The following CTSC variants were observed in gnomAD, a reference collection of about 807,000 sequenced individuals.
The protein encoded by CTSC is dipeptidyl peptidase 1.
CTSC carries 37 observed loss-of-function variants against 40.9 expected under a neutral mutation model. That is an observed-to-expected ratio of 0.91 (90% CI 0.70 to 1.19). The LOEUF (loss-of-function observed/expected upper bound fraction) is 1.19. CTSC is among the 50% of genes most tolerant of loss of function. The probability of loss-of-function intolerance (pLI) is 0.00; values close to 1 mark genes in which losing one functional copy is unlikely to be tolerated. For missense variants in CTSC, 594 were observed against 567.3 expected (o/e 1.05, Z -0.48); for synonymous variants, 232 against 207.4 (o/e 1.12, Z -1.02).
At position 88,293,928 on chromosome 11, in the gene CTSC, G is replaced by A; in HGVS notation, c.*78C>T. On this transcript the variant is annotated 3_prime_UTR_variant, in exon 7 of 7. Coordinates refer to ENST00000227266, the MANE Select transcript of CTSC (RefSeq NM_001814.6). ...TTTGTAAGCTTCTGAGATTGCTGCT[G>A]AAAGTCTACAGTCTGTGAATATACC... 1 of 1,488,164 alleles carries A rather than the reference G, an allele frequency of 6.7e-7. No homozygotes were observed. The highest frequency in any genetic ancestry group is 1.4e-5 in the African/African-American group (1 of 72,700). 92.2% of individuals were successfully genotyped at this position (1,488,164 alleles called of 1,614,324 possible).
In CTSC at chr11:88,293,999, G is replaced by A. The variant is rs752297543; in HGVS notation, c.*7C>T. The A allele has an allele frequency of 1.2e-6, 2 of 1,613,540 alleles. No homozygotes were observed. Among genetic ancestry groups the A allele is most frequent in the Non-Finnish European group, 1.7e-6 (2 of 1,179,862 alleles). ...GCAGATCATTATGAAATACTGGAAGGCATACCCTACAATTTAGGAATTGGT... is the reference window on the plus strand; with the variant it reads ...GCAGATCATTATGAAATACTGGAAGACATACCCTACAATTTAGGAATTGGT... On this transcript the variant is annotated 3_prime_UTR_variant, in exon 7 of 7. Coordinates refer to ENST00000227266, the MANE Select transcript of CTSC (RefSeq NM_001814.6).
At chr11:88,307,050 G>A (rs1319657437) in intron 4 of CTSC, among the ~76,000 whole-genome samples, 1 of 152,184 alleles carries the variant, frequency 6.6e-6, no homozygotes, top group Non-Finnish European at 1.5e-5. Context: ...GCCTGCGAGG[G>A]AGATAAGGGA....
chr11:88,332,064 A>T (rs1354131318), intron 2 of CTSC, among the ~76,000 whole-genome samples: 1 of 152,242 alleles, frequency 6.6e-6, no homozygotes, highest in Non-Finnish European at 1.5e-5. Flanking sequence ...AGAGGATAAA[A>T]GGAAGCAAGT....
chr11:88,319,749 T>C (rs1221048455), intron 2 of CTSC, among the ~76,000 whole-genome samples: 1 of 152,188 alleles, frequency 6.6e-6, no homozygotes, highest in Non-Finnish European at 1.5e-5. Context: ...ATTTTCAAAA[T>C]GTACCTATAG....
At chr11:88,316,672 G>A (rs549365201) in intron 2 of CTSC, among the ~76,000 whole-genome samples, 13 of 152,290 alleles carry the variant, frequency 8.5e-5, no homozygotes, top group African/African-American at 3.1e-4. Flanking sequence ...GCACTAGGAA[G>A]TAATTAACTA....
At position 88,296,145 on chromosome 11, in the gene CTSC, G is replaced by A; in HGVS notation, c.877C>T (p.Gln293Ter). The change falls in exon 6 of 7, where the codon CAG becomes TAG. Residue 293 changes from glutamine (Q) to a stop codon, truncating the protein, a stop_gained. Coordinates refer to ENST00000227266, the MANE Select transcript of CTSC (RefSeq NM_001814.6). LOFTEE classifies it low-confidence loss of function (END_TRUNC). Reference sequence around the variant, plus strand: ...ATGCAACACTTACCTTGAGCATACTGGCTACAAGACACAACCTCCTGAGGG... The same window carrying A: ...ATGCAACACTTACCTTGAGCATACTAGCTACAAGACACAACCTCCTGAGGG... The part of the protein sequence containing the change: ...LSPQEVVSCS[Q>*]YAQGCEGGFP... 3 of 1,613,866 alleles carry A rather than the reference G, an allele frequency of 1.9e-6. No individual in the cohort carries two copies. Among genetic ancestry groups the A allele is most frequent in the Non-Finnish European group, 2.5e-6 (3 of 1,179,866 alleles).
intron 5 of CTSC, chr11:88,299,275 G>T (rs1944331739): frequency 6.6e-6 from 1 of 152,084 alleles, no homozygotes; most frequent in Non-Finnish European, 1.5e-5. Context: ...AGCATAACTT[G>T]CAATCTCTTA....
chr11:88,324,831 G>A (rs1001930376), intron 2 of CTSC: 29 of 985,208 alleles, frequency 2.9e-5, no homozygotes, highest in Admixed American at 1.2e-4. Context: ...CAGGTCCAGA[G>A]GTGAGATAGA....
At chr11:88,324,300 C>A in intron 2 of CTSC, 1 of 840,498 alleles carries the variant, frequency 1.2e-6, no homozygotes, top group Non-Finnish European at 1.4e-6. Context: ...CAATAAAACA[C>A]CCTAGAAGAA....
At chr11:88,300,750 G>T in intron 4 of CTSC, 105 bp from the exon 5 acceptor site, 2 of 772,876 alleles carry the variant, frequency 2.6e-6, no homozygotes, top group South Asian at 2.9e-5. Context: ...GACTAGCTAG[G>T]ATCTAGATTC....
At chr11:88,301,808 G>GCACACACACA (rs796959607) in intron 4 of CTSC, among the ~76,000 whole-genome samples, 237 of 119,462 alleles carry the variant, frequency 2.0e-3, no homozygotes, top group East Asian at 0.02. Context: ...AAACACACGC[G>GCACACACACA]CGCACACACA....
intron 6 of CTSC, 107 bp downstream of exon 6, chr11:88,296,026 A>AC: frequency 8.4e-7 from 1 of 1,194,888 alleles, no homozygotes; most frequent in African/African-American, 1.5e-5. Flanking sequence ...TTTTCTGACT[A>AC]TAGACACTGC....
chr11:88,294,558 C>T (rs1444677970), intron 6 of CTSC, 50 bp from the exon 7 acceptor site: 1 of 1,601,146 alleles, frequency 6.2e-7, no homozygotes. Context: ...AAAGGATTAT[C>T]CCATTTTCTA....
At chr11:88,328,130 G>A in intron 2 of CTSC, 3 of 1,613,142 alleles carry the variant, frequency 1.9e-6, no homozygotes, top group Non-Finnish European at 2.5e-6. Context: ...TTCCTCAGAT[G>A]TGGCAAATCA....
chr11:88,302,144 A>G (rs1944372028), intron 4 of CTSC, among the ~76,000 whole-genome samples: 1 of 152,124 alleles, frequency 6.6e-6, no homozygotes. Context: ...AACTATTTGA[A>G]TTTCTTATTC....
chr11:88,315,070 TG>T (rs1411339362), intron 2 of CTSC, among the ~76,000 whole-genome samples: 1 of 152,318 alleles, frequency 6.6e-6, no homozygotes, highest in East Asian at 1.9e-4. Flanking sequence ...ATCGAAACAG[TG>T]TAACATGGTA....
intron 5 of CTSC, chr11:88,298,334 T>C (rs982045908): frequency 6.6e-6 from 1 of 152,224 alleles, no homozygotes; most frequent in African/African-American, 2.4e-5. Flanking sequence ...TAAGCTTCTC[T>C]TCCCTCTCAT....
intron 2 of CTSC, among the ~76,000 whole-genome samples, chr11:88,330,813 A>C (rs1428947355): frequency 3.9e-5 from 6 of 152,214 alleles, no homozygotes; most frequent in African/African-American, 1.4e-4. Context: ...TCAAGCTGTT[A>C]AAACCAAGTT....
chr11:88,326,288 A>G, intron 2 of CTSC: 1 of 1,602,516 alleles, frequency 6.2e-7, no homozygotes, highest in South Asian at 1.1e-5. Context: ...TTTTGCATGC[A>G]AATAAAGACT....
Sources: allele counts gnomAD v4.1 joint callset (sites outside exome capture counted in the v4.1 genomes callset), GRCh38; gene constraint gnomAD v4.1.1; transcripts MANE v1.5; gene names NCBI Gene and HGNC (gene_info 2026-07-23, HGNC 2026-07-21).